NEB: variants seen among roughly 807,000 people sequenced by gnomAD.
The protein encoded by NEB is nebulin.
In NEB, 512 loss-of-function variants were observed where a neutral mutation model predicts 952.2. That is an observed-to-expected ratio of 0.54 (90% CI 0.50 to 0.58). NEB has a LOEUF of 0.58. Among genes scored for constraint, NEB ranks in the 20% least tolerant of loss-of-function variants. NEB has a pLI of 0.00. For synonymous variants in NEB, 2,900 were observed against 3,149.8 expected (o/e 0.92, Z 2.66); for missense variants, 8,428 against 9,231.1 (o/e 0.91, Z 3.56).
intron 12 of NEB, among the ~76,000 whole-genome samples, chr2:151,708,995 C>T (rs1221532236): frequency 2.0e-5 from 3 of 152,210 alleles, no homozygotes; most frequent in Non-Finnish European, 4.4e-5. Context: ...CTGCTTTCTC[C>T]AGCATAGCCA....
Position 151,643,820 on chromosome 2 carries a change from C to T in NEB, c.7954G>A (p.Asp2652Asn), listed in dbSNP as rs760592059. The T allele has an allele frequency of 7.5e-6, 12 of 1,610,722 alleles. No homozygotes were observed. Among genetic ancestry groups the T allele is most frequent in the Middle Eastern group, 1.6e-4 (1 of 6,072 alleles). Reference protein sequence around the residue: ...HARQAYDLQSDNLYKSDLQWL... With the variant: ...HARQAYDLQSNNLYKSDLQWL... ...CCAAAGGAAAATCTTAGACTCACAT[C>T]GCTCTGGAGGTCATAGGCCTGCCGA... The change falls in exon 57 of 182, where the codon GAT becomes AAT. Residue 2652 changes from aspartate to asparagine, a missense_variant and splice_region_variant. Physicochemically the swap from Asp to Asn is conservative, Grantham distance 23. This residue lies in a region of NEB where 1,772 missense variants were observed against 1,960.3 expected (regional missense o/e 0.90). Transcript: ENST00000397345.
chr2:151,543,488 T>G (rs879377060), intron 135 of NEB, among the ~76,000 whole-genome samples: 4 of 152,194 alleles, frequency 2.6e-5, no homozygotes, highest in African/African-American at 9.6e-5. Flanking sequence ...CTCTTAGAAT[T>G]TTATGGCTAA....
chr2:151,694,833 A>C (rs1258768077), intron 18 of NEB, among the ~76,000 whole-genome samples: 1 of 152,206 alleles, frequency 6.6e-6, no homozygotes, highest in Admixed American at 6.5e-5. Flanking sequence ...ACTCCCCATG[A>C]GAATTTTTTA....
At chr2:151,726,286 A>G (rs377282917) in intron 5 of NEB, among the ~76,000 whole-genome samples, 13 of 151,320 alleles carry the variant, frequency 8.6e-5, no homozygotes, top group African/African-American at 3.0e-4. Flanking sequence ...TATATTGACA[A>G]AAAATTCTAT....
intron 37 of NEB, 85 bp downstream of exon 37, chr2:151,672,284 G>T (rs2154193087): frequency 8.0e-7 from 1 of 1,257,214 alleles, no homozygotes; most frequent in Non-Finnish European, 1.1e-6. Context: ...TCAAATAGCT[G>T]ACTGTAGTAT....
intron 114 of NEB, among the ~76,000 whole-genome samples, chr2:151,566,815 T>C (rs2153735915): frequency 6.6e-6 from 1 of 152,330 alleles, no homozygotes. Context: ...TCTAATATTG[T>C]CAAAACCTCA....
chr2:151,668,769 T>G (rs1237809263), intron 39 of NEB, among the ~76,000 whole-genome samples: 1 of 151,214 alleles, frequency 6.6e-6, no homozygotes, highest in Admixed American at 6.6e-5. Context: ...CATGTTCCAT[T>G]TTTTTTTTAA....
intron 68 of NEB, among the ~76,000 whole-genome samples, chr2:151,628,787 G>C (rs550482658): frequency 2.0e-5 from 3 of 152,030 alleles, no homozygotes; most frequent in Non-Finnish European, 4.4e-5. Context: ...ACTTGAACCC[G>C]GGAGGCGGAG....
At chr2:151,516,335 C>A in intron 157 of NEB, 124 bp downstream of exon 157, 1 of 608,952 alleles carries the variant, frequency 1.6e-6, no homozygotes, top group South Asian at 2.5e-5. Context: ...TTTTAGTGAT[C>A]ACATGATAAA....
At chr2:151,729,397 T>A (rs2099800222) in intron 4 of NEB, among the ~76,000 whole-genome samples, 1 of 152,216 alleles carries the variant, frequency 6.6e-6, no homozygotes, top group East Asian at 1.9e-4. Context: ...AACCACCCCC[T>A]GCCATCTTGC....
rs780415293 is a variant in NEB, at chr2:151,674,442, C to G, written c.3987+35G>C. The G allele has an allele frequency of 2.0e-6, 3 of 1,530,696 alleles. No individual in the cohort carries two copies. In the Admixed American group the frequency reaches 5.0e-5, roughly 26 times the overall value. 94.8% of individuals were successfully genotyped at this position (1,530,696 alleles called of 1,614,324 possible). The stretch of plus-strand genomic sequence containing the variant: ...AGCATTTGATTACTTTTCAAAAAGG[C>G]AAACACCTAAACTTCACCTAAAATT... On this transcript the variant is annotated intron_variant, in intron 36 of 181. Transcript: ENST00000397345.
intron 84 of NEB, among the ~76,000 whole-genome samples, chr2:151,606,055 G>A: frequency 1.1e-5 from 1 of 89,132 alleles, no homozygotes; most frequent in Non-Finnish European, 2.9e-5. Flanking sequence ...CCTGACCTCA[G>A]GTGATCCGCC....
At chr2:151,553,554 T>G (rs2095458912) in intron 126 of NEB, 52 bp from the exon 127 acceptor site, 1 of 1,273,572 alleles carries the variant, frequency 7.9e-7, no homozygotes, top group East Asian at 2.3e-5. Flanking sequence ...CCATAATAAC[T>G]TTAACACTAA....
intron 52 of NEB, among the ~76,000 whole-genome samples, chr2:151,651,835 A>C (rs140966488): frequency 1.2e-3 from 189 of 152,310 alleles, no homozygotes; most frequent in African/African-American, 4.1e-3. Context: ...CAACATAAGC[A>C]ATCTGACAAA....
At chr2:151,534,381 T>G in intron 142 of NEB, 1 of 1,437,732 alleles carries the variant, frequency 7.0e-7, no homozygotes, top group Middle Eastern at 1.7e-4. Flanking sequence ...CAAAAATGTC[T>G]CAAGGTAAAC....
rs371542110 is a variant in NEB at position 151,671,154 on chromosome 2, T to C, written c.4375A>G (p.Lys1459Glu). 7 of 1,613,798 alleles carry C rather than the reference T, an allele frequency of 4.3e-6. No individual in the cohort carries two copies. The highest frequency in any genetic ancestry group is 5.9e-6 in the Non-Finnish European group (7 of 1,179,848). Residue 1459 changes from lysine (K) to glutamate (E), a missense_variant, in exon 38 of 182, where the codon AAG becomes GAG. Lys to Glu is a moderately conservative substitution (Grantham distance 56). Transcript: ENST00000397345. ...WIPIGSLEVE[K>E]VKKAGDALNE... ...AATGCATCGCCTGCTTTCTTGACCT[T>C]CTCCACCTCCAGGGAACCAATAGGG...
chr2:151,567,486 A>T lies in NEB; in HGVS notation c.17845-7T>A. The T allele has an allele frequency of 6.3e-7, 1 of 1,596,458 alleles. No homozygotes were observed. The highest frequency in any genetic ancestry group is 1.1e-5 in the South Asian group (1 of 88,800). On this transcript the variant is annotated splice_polypyrimidine_tract_variant and splice_region_variant and intron_variant, in intron 113 of 181. Transcript: ENST00000397345. ...GTTCAGCTTTGTATTTCAGCTGGCG[A>T]GAAGAGGAATATAAATTCCATCAGT...
At chr2:151,529,999 C>A (rs926779627) in intron 145 of NEB, among the ~76,000 whole-genome samples, 1 of 152,152 alleles carries the variant, frequency 6.6e-6, no homozygotes, top group African/African-American at 2.4e-5. Flanking sequence ...ATTAGTCTTG[C>A]TCTCCTTCTG....
At position 151,526,227 on chromosome 2, in the gene NEB, T is replaced by C. The variant is rs2153453611; in HGVS notation, c.21981A>G (p.Gly7327=). The C allele has an allele frequency of 6.2e-7, 1 of 1,613,432 alleles. No homozygotes were observed. Among genetic ancestry groups the C allele is most frequent in the Admixed American group, 1.7e-5 (1 of 59,926 alleles). ...GCGTGTCAGGTACGGCATGGCAGGT[T>C]CCTCTTTCCTTGACATGTTTCTCTT... ...KYKEKHVKER[G]TCHAVPDTPQ... The change falls in exon 149 of 182, where the codon GGA becomes GGG. Residue 7327 remains glycine, a synonymous_variant. Transcript: ENST00000397345.
Sources: allele counts gnomAD v4.1 joint callset (sites outside exome capture counted in the v4.1 genomes callset), GRCh38; gene constraint gnomAD v4.1.1; regional missense constraint gnomAD v4.1.1; transcripts MANE v1.5; gene names NCBI Gene and HGNC (gene_info 2026-07-23, HGNC 2026-07-21).